The following GBP1 variants were observed in gnomAD, a reference collection of about 807,000 sequenced individuals.
GBP1 encodes the protein guanylate-binding protein 1.
In GBP1, 64 loss-of-function variants were observed where a neutral mutation model predicts 69.5. The ratio of observed to expected loss-of-function variants is 0.92; its 90% confidence interval spans 0.75 to 1.13. The LOEUF (loss-of-function observed/expected upper bound fraction) is 1.13, where lower values mean the gene tolerates loss of function less well. Among genes scored for constraint, GBP1 ranks in the 50% most tolerant of loss-of-function variants. The pLI, the probability that GBP1 is intolerant of heterozygous loss-of-function variation, is 0.00. For missense variants in GBP1, 630 were observed against 704.1 expected, an observed-to-expected ratio of 0.89 and a Z score of 1.19; for synonymous variants, 250 against 261.2, an observed-to-expected ratio of 0.96 and a Z score of 0.41.
intron 1 of GBP1, among the ~76,000 whole-genome samples, chr1:89,064,240 T>TGTGTGAGAGAGA (rs1243424526): frequency 1.0e-5 from 1 of 100,010 alleles, no homozygotes; most frequent in African/African-American, 4.1e-5. Flanking sequence ...TGTGTGTGTG[T>TGTGTGAGAGAGA]GAGAGAGAGA....
chr1:89,055,253 T>C (rs1325443614), intron 8 of GBP1, 38 bp from the exon 9 acceptor site: 13 of 1,612,014 alleles, frequency 8.1e-6, no homozygotes, highest in East Asian at 2.2e-5. Flanking sequence ...AAGTAGGAAA[T>C]GGCTGTAAGC....
Position 89,058,958 on chromosome 1 carries a change from C to G in GBP1, c.514G>C (p.Val172Leu). ...CACACAAAGTCTGGGAAGAAGCTCA[C>G]AAAGTCAGCTGAATCCTCAACCTCA... ...ENEVEDSADF[V>L]SFFPDFVWTL... Residue 172 changes from valine (V) to leucine (L), a missense_variant, in exon 5 of 11, where the codon GTG (valine) becomes CTG (leucine). Coordinates refer to ENST00000370473, the MANE Select transcript of GBP1 (RefSeq NM_002053.3). The G allele has an allele frequency of 6.2e-7, 1 of 1,614,176 alleles. No individual in the cohort carries two copies. The highest frequency in any genetic ancestry group is 8.5e-7 in the Non-Finnish European group (1 of 1,180,032).
intron 2 of GBP1, among the ~76,000 whole-genome samples, chr1:89,062,518 A>G (rs1680225083): frequency 2.6e-5 from 4 of 152,352 alleles, no homozygotes; most frequent in African/African-American, 7.2e-5. Flanking sequence ...TGTTTAGTTA[A>G]TACAGTTTCT....
intron 2 of GBP1, chr1:89,062,782 A>G: frequency 2.4e-6 from 1 of 409,990 alleles, no homozygotes; most frequent in South Asian, 4.3e-5. Flanking sequence ...TATTATGTAC[A>G]TTAATTATTT....
intron 10 of GBP1, among the ~76,000 whole-genome samples, chr1:89,054,336 G>A (rs1360567785): frequency 2.6e-5 from 4 of 152,086 alleles, no homozygotes; most frequent in Non-Finnish European, 5.9e-5. Context: ...TCCTGACCTC[G>A]TGATCCGCCC....
rs771043462 is a variant in GBP1, at chr1:89,063,216, T to C, written c.19A>G (p.Met7Val). 6.2e-7 allele frequency: 1 copy of C among 1,613,918 alleles called. No homozygotes were observed. The highest frequency in any genetic ancestry group is 1.3e-5 in the African/African-American group (1 of 74,920). Reference sequence around the variant, plus strand: ...TCAATGAGGCACATTGGGCCTGTCATGTGGATCTCTGATGCCATGTCCAGG... The same window carrying C: ...TCAATGAGGCACATTGGGCCTGTCACGTGGATCTCTGATGCCATGTCCAGG... MASEIH[M>V]TGPMCLIENT... is the part of the protein sequence containing the mutation. The change falls in exon 2 of 11, where the codon ATG becomes GTG. Residue 7 changes from methionine to valine, a missense_variant. By Grantham distance (21) the Met-to-Val change is conservative. Coordinates refer to ENST00000370473, the MANE Select transcript of GBP1 (RefSeq NM_002053.3).
intron 10 of GBP1, among the ~76,000 whole-genome samples, chr1:89,054,033 T>C (rs1357455023): frequency 6.6e-6 from 1 of 152,232 alleles, no homozygotes; most frequent in African/African-American, 2.4e-5. Context: ...TTATTTATTC[T>C]TTTTGGAACC....
intron 7 of GBP1, 117 bp from the exon 8 acceptor site, chr1:89,056,345 C>T: frequency 6.5e-7 from 1 of 1,532,204 alleles, no homozygotes; most frequent in Non-Finnish European, 8.9e-7. Flanking sequence ...AAACTGACAG[C>T]CTCCTCACCA....
At chr1:89,062,860 T>C in intron 2 of GBP1, 185 bp downstream of exon 2, 1 of 675,152 alleles carries the variant, frequency 1.5e-6, no homozygotes, top group Non-Finnish European at 2.4e-6. Flanking sequence ...TAAGGTATCA[T>C]GGGAATAATT....
At chr1:89,062,137 C>A (rs1680216794) in intron 2 of GBP1, among the ~76,000 whole-genome samples, 1 of 152,176 alleles carries the variant, frequency 6.6e-6, no homozygotes, top group Non-Finnish European at 1.5e-5. Flanking sequence ...GCAATGACTG[C>A]ATGAGCCAGC....
At chr1:89,055,352 C>G in intron 8 of GBP1, 137 bp from the exon 9 acceptor site, 1 of 1,436,222 alleles carries the variant, frequency 7.0e-7, no homozygotes, top group South Asian at 1.4e-5. Context: ...AATTCCCTGT[C>G]GGAGCGACAG....
chr1:89,059,310 A>G lies in GBP1; in HGVS notation c.428+7T>C, dbSNP rs761186994. On this transcript the variant is annotated splice_region_variant and intron_variant, in intron 4 of 10. Transcript: ENST00000370473. The stretch of plus-strand genomic sequence containing the variant: ...CCTTGGTGCTGTTCTGGGTCACAAA[A>G]GGATACTACAGTTGGTCCATAGCCT... 1 of 1,614,140 alleles carries G rather than the reference A, an allele frequency of 6.2e-7. No individual in the cohort carries two copies. The highest frequency in any genetic ancestry group is 8.5e-7 in the Non-Finnish European group (1 of 1,179,998).
chr1:89,054,721 C>A lies in GBP1; in HGVS notation c.1626G>T (p.Leu542Phe). Residue 542 changes from leucine (L) to phenylalanine (F), a missense_variant, in exon 10 of 11, where the codon TTG (leucine) becomes TTT (phenylalanine). Around this residue, in one of 5 missense-constraint regions of GBP1, gnomAD observed 71 missense variants for 72.7 expected, o/e 0.98. Coordinates refer to ENST00000370473, the MANE Select transcript of GBP1 (RefSeq NM_002053.3). ...CGAGGGTCCTCTCTTGCTCTTTCAG[C>A]AACTGGACCCTGTCGTTCTCCATCT... ...TEKMENDRVQ[L>F]LKEQERTLAL... 3 of 1,614,214 alleles carry A rather than the reference C, an allele frequency of 1.9e-6. No individual in the cohort carries two copies. The highest frequency in any genetic ancestry group is 2.5e-6 in the Non-Finnish European group (3 of 1,180,014).
chr1:89,064,641 A>G (rs1013313019), intron 1 of GBP1, among the ~76,000 whole-genome samples: 3 of 152,120 alleles, frequency 2.0e-5, no homozygotes, highest in East Asian at 1.9e-4. Context: ...ATGAATCTTC[A>G]TCTTTCAGGC....
In GBP1 at chr1:89,058,207, T is replaced by C. The variant is rs577369582; in HGVS notation, c.659A>G (p.Asn220Ser). Reference protein sequence around the residue: ...KGTSQKDETFNLPRLCIRKFF... With the variant: ...KGTSQKDETFSLPRLCIRKFF... ...TTTCCGGATACAGAGTCTGGGCAGGTTAAAAGTTTCATCTTTTTGACTGGT... is the reference window on the plus strand; with the variant it reads ...TTTCCGGATACAGAGTCTGGGCAGGCTAAAAGTTTCATCTTTTTGACTGGT... The change falls in exon 6 of 11, where the codon AAC becomes AGC. Residue 220 changes from asparagine to serine, a missense_variant. Asn to Ser is a conservative substitution (Grantham distance 46). This residue lies in a region of GBP1 where 367 missense variants were observed against 369.5 expected (regional missense o/e 0.99). Coordinates refer to ENST00000370473, the MANE Select transcript of GBP1 (RefSeq NM_002053.3). The C allele has an allele frequency of 6.3e-7, 1 of 1,599,690 alleles. No individual in the cohort carries two copies. The highest frequency in any genetic ancestry group is 2.2e-5 in the East Asian group (1 of 44,828).
At chr1:89,059,114 C>T (rs1680117507) in intron 4 of GBP1, 71 bp from the exon 5 acceptor site, 8 of 1,602,238 alleles carry the variant, frequency 5.0e-6, no homozygotes, top group Non-Finnish European at 6.8e-6. Flanking sequence ...AACACATACC[C>T]AAACCTTCCA....
chr1:89,058,684 T>A, intron 5 of GBP1, 157 bp downstream of exon 5: 1 of 709,422 alleles, frequency 1.4e-6, no homozygotes, highest in Non-Finnish European at 2.4e-6. Context: ...TAAAATAACA[T>A]CTATTAATTT....
chr1:89,054,493 TA>T (rs1434067288), intron 10 of GBP1, among the ~76,000 whole-genome samples, 188 bp downstream of exon 10: 1 of 151,952 alleles, frequency 6.6e-6, no homozygotes, highest in Non-Finnish European at 1.5e-5. Context: ...CAACTGCAAA[TA>T]AAAAACTTTC....
At position 89,058,242 on chromosome 1, in the gene GBP1, A is replaced by T. The variant is rs1321814408; in HGVS notation, c.632-8T>A. The T allele has an allele frequency of 6.4e-7, 1 of 1,568,530 alleles. No individual in the cohort carries two copies. The highest frequency in any genetic ancestry group is 2.0e-5 in the Admixed American group (1 of 49,836). On this transcript the variant is annotated splice_region_variant and splice_polypyrimidine_tract_variant and intron_variant, in intron 5 of 10. Transcript: ENST00000370473. ...CATCTTTTTGACTGGTACCTAGAAAAACATTTAAAAAATTATAAAATTGCC... is the reference window on the plus strand; with the variant it reads ...CATCTTTTTGACTGGTACCTAGAAATACATTTAAAAAATTATAAAATTGCC...
Sources: gnomAD v4.1 joint callset for allele counts (sites outside exome capture counted in the v4.1 genomes callset) on GRCh38, gnomAD v4.1.1 for gene constraint, gnomAD v4.1.1 regional missense constraint, MANE v1.5 for transcripts, NCBI Gene and HGNC (gene_info 2026-07-23, HGNC 2026-07-21) for gene names.